The following FSIP1 variants were observed in gnomAD, a reference collection of about 807,000 sequenced individuals.
FSIP1 encodes fibrous sheath-interacting protein 1.
A neutral mutation model predicts 60.9 loss-of-function variants in FSIP1; 65 were observed. That is an observed-to-expected ratio of 1.07 (90% confidence interval 0.87 to 1.31). The LOEUF (loss-of-function observed/expected upper bound fraction) is 1.31. Ranked by LOEUF, FSIP1 falls within the 40% of genes most tolerant of loss-of-function variation. The probability of loss-of-function intolerance (pLI) is 0.00; values close to 1 mark genes in which losing one functional copy is unlikely to be tolerated. For missense variants in FSIP1, 675 were observed against 665.5 expected (o/e 1.01, Z -0.16); for synonymous variants, 209 against 221.2 (o/e 0.94, Z 0.49).
chr15:39,743,519 T>C (rs1319333384), intron 5 of FSIP1, among the ~76,000 whole-genome samples: 1 of 152,218 alleles, frequency 6.6e-6, no homozygotes, highest in Non-Finnish European at 1.5e-5. Flanking sequence ...TAGAAGAAAT[T>C]ATGGAATTAA....
At chr15:39,714,972 C>CAAAAA in intron 9 of FSIP1, among the ~76,000 whole-genome samples, 1 of 89,544 alleles carries the variant, frequency 1.1e-5, no homozygotes, top group Non-Finnish European at 2.0e-5. Flanking sequence ...GACTCTGTCT[C>CAAAAA]AAAAAAAAAA....
At chr15:39,764,057 A>T in intron 4 of FSIP1, 143 bp from the exon 5 acceptor site, 1 of 577,630 alleles carries the variant, frequency 1.7e-6, no homozygotes. Flanking sequence ...AAATCTGTAA[A>T]TCTCCTCTGT....
chr15:39,626,571 G>A (rs1385217025), intron 10 of FSIP1, among the ~76,000 whole-genome samples: 1 of 152,182 alleles, frequency 6.6e-6, no homozygotes, highest in Non-Finnish European at 1.5e-5. Context: ...AGTGGGAGGT[G>A]ATTGGAACAC....
intron 10 of FSIP1, among the ~76,000 whole-genome samples, chr15:39,691,499 G>A (rs1332234154): frequency 6.6e-6 from 1 of 152,234 alleles, no homozygotes; most frequent in African/African-American, 2.4e-5. Context: ...TCTGGACAGT[G>A]TACAGTGACG....
chr15:39,735,844 A>G (rs1896587386), intron 8 of FSIP1, among the ~76,000 whole-genome samples: 1 of 152,054 alleles, frequency 6.6e-6, no homozygotes, highest in African/African-American at 2.4e-5. Context: ...TTTTATGAAA[A>G]ACTAAGACAC....
intron 10 of FSIP1, among the ~76,000 whole-genome samples, chr15:39,679,191 G>C (rs934172237): frequency 1.3e-5 from 2 of 152,196 alleles, no homozygotes; most frequent in African/African-American, 4.8e-5. Context: ...TTTTAAGAAA[G>C]ATGGAGAATG....
chr15:39,599,990 AT>A (rs1241176780), downstream of FSIP1: 1 of 152,254 alleles, frequency 6.6e-6, no homozygotes, highest in East Asian at 1.9e-4. Flanking sequence ...CATTAATGTT[AT>A]TCAGTATCAG....
intron 10 of FSIP1, among the ~76,000 whole-genome samples, chr15:39,656,375 C>A (rs934743474): frequency 6.6e-6 from 1 of 152,100 alleles, no homozygotes; most frequent in Non-Finnish European, 1.5e-5. Context: ...AAAGTAAAAC[C>A]AAAACGAAGT....
chr15:39,688,515 T>A lies in FSIP1; in HGVS notation c.1188+24929A>T, dbSNP rs552220283. On this transcript the variant is annotated intron_variant, in intron 10 of 11. Transcript: ENST00000350221. ...TATTCGAGTTAAGGTTTCTGCTGAA[T>A]GCATATGGCTTTTGCACCATCATAA... Among the ~76,000 whole-genome samples, 11 of 152,322 alleles carry A rather than the reference T, an allele frequency of 7.2e-5. No homozygotes were observed. The East Asian group carries it at 2.1e-3, about 29-fold the overall frequency.
Position 39,723,322 on chromosome 15 carries a change from G to A in FSIP1, c.1050+3267C>T, listed in dbSNP as rs916517924. ...TGGCTCACTGCAAGCTCTGCCTCCC[G>A]GGTTCACGCCATTCTCCTGCCTCAG... On this transcript the variant is annotated intron_variant, in intron 9 of 11. Transcript: ENST00000350221. Among the ~76,000 whole-genome samples the A allele has an allele frequency of 8.5e-5, 13 of 152,198 alleles. 1 individual carries two copies. In the South Asian group the frequency reaches 1.0e-3, roughly 12 times the overall value.
intron 11 of FSIP1, among the ~76,000 whole-genome samples, chr15:39,610,989 G>A (rs545211628): frequency 6.6e-6 from 1 of 152,288 alleles, no homozygotes; most frequent in Admixed American, 6.5e-5. Context: ...GAGCTAAGCT[G>A]AAATAAAAGG....
intron 10 of FSIP1, among the ~76,000 whole-genome samples, chr15:39,644,656 A>G (rs1892519866): frequency 6.6e-6 from 1 of 152,188 alleles, no homozygotes; most frequent in African/African-American, 2.4e-5. Flanking sequence ...GATGAGGAGC[A>G]GTATCTAGAT....
In FSIP1 at chr15:39,710,888, T is replaced by C. The variant is rs551844796; in HGVS notation, c.1188+2556A>G. ...GACAGTGCCTGGCTCATAGTTGGTA[T>C]TCAATAATTGCTCTTATCTACTCAT... On this transcript the variant is annotated intron_variant, in intron 10 of 11. Transcript: ENST00000350221. 3.9e-5 allele frequency among the ~76,000 whole-genome samples: 6 copies of C among 152,356 alleles called. No homozygotes were observed. The East Asian group carries it at 1.2e-3, about 29-fold the overall frequency.
intron 10 of FSIP1, among the ~76,000 whole-genome samples, chr15:39,689,678 A>G (rs1395527157): frequency 6.6e-6 from 1 of 152,256 alleles, no homozygotes; most frequent in Non-Finnish European, 1.5e-5. Context: ...AACTGGGGAC[A>G]AAGACTAAAT....
intron 10 of FSIP1, among the ~76,000 whole-genome samples, chr15:39,686,688 A>G (rs1447835420): frequency 6.6e-6 from 1 of 152,256 alleles, no homozygotes; most frequent in African/African-American, 2.4e-5. Context: ...AATGTATATC[A>G]TTTCTTCATC....
At chr15:39,689,322 C>T (rs77310608) in intron 10 of FSIP1, among the ~76,000 whole-genome samples, 2,028 of 152,232 alleles carry the variant, frequency 0.013, 46 homozygotes, top group African/African-American at 0.047. Context: ...TTTATGAAAG[C>T]TTCATTATAT....
At chr15:39,668,127 G>C (rs1893569734) in intron 10 of FSIP1, among the ~76,000 whole-genome samples, 1 of 151,130 alleles carries the variant, frequency 6.6e-6, no homozygotes, top group Middle Eastern at 3.4e-3. Context: ...ATGGAAAAGA[G>C]AGAAGTGGGC....
chr15:39,734,627 T>TA (rs1896540819), intron 8 of FSIP1, among the ~76,000 whole-genome samples: 1 of 152,162 alleles, frequency 6.6e-6, no homozygotes, highest in Admixed American at 6.5e-5. Flanking sequence ...AATGTATTTT[T>TA]AAAACTTGAA....
intron 11 of FSIP1, among the ~76,000 whole-genome samples, chr15:39,607,852 T>C (rs556288467): frequency 6.6e-6 from 1 of 152,276 alleles, no homozygotes; most frequent in South Asian, 2.1e-4. Context: ...AGAAATCTAA[T>C]CCGAATCACA....
Sources: gnomAD v4.1 joint callset for allele counts (sites outside exome capture counted in the v4.1 genomes callset) on GRCh38, gnomAD v4.1.1 for gene constraint, MANE v1.5 for transcripts, NCBI Gene and HGNC (gene_info 2026-07-23, HGNC 2026-07-21) for gene names.